The following SPIRE1 variants were observed in gnomAD, a reference collection of about 807,000 sequenced individuals.
SPIRE1 encodes the protein spire type actin nucleation factor 1.
Under a neutral mutation model 94.1 loss-of-function variants are expected in SPIRE1, and 40 were observed. The ratio of observed to expected loss-of-function variants is 0.43; its 90% CI spans 0.33 to 0.55. SPIRE1 has a LOEUF of 0.55. SPIRE1 is among the 20% of genes least tolerant of loss of function. The pLI is 0.06. For synonymous variants in SPIRE1, 376 were observed against 371.7 expected, an observed-to-expected ratio of 1.01 and a Z score of -0.13; for missense variants, 838 against 975.2, an observed-to-expected ratio of 0.86 and a Z score of 1.87.
intron 3 of SPIRE1, among the ~76,000 whole-genome samples, chr18:12,537,119 A>C (rs2034865641): frequency 6.6e-6 from 1 of 152,256 alleles, no homozygotes; most frequent in Non-Finnish European, 1.5e-5. Context: ...AACCTTCTTC[A>C]CAGTAGCAAA....
At chr18:12,507,990 C>G (rs2033893676) in intron 5 of SPIRE1, among the ~76,000 whole-genome samples, 1 of 151,036 alleles carries the variant, frequency 6.6e-6, no homozygotes, top group Non-Finnish European at 1.5e-5. Flanking sequence ...ACTAAAAATA[C>G]AAAAAATTAG....
chr18:12,454,562 C>A (rs2143520925), intron 12 of SPIRE1, 79 bp from the exon 13 acceptor site: 2 of 1,325,400 alleles, frequency 1.5e-6, no homozygotes, highest in South Asian at 1.2e-5. Flanking sequence ...CAGATCAGAC[C>A]CCTGATTAGT....
chr18:12,549,439 G>GGTTTTTTTTTTTTTT (rs2035275774), intron 2 of SPIRE1, among the ~76,000 whole-genome samples: 2 of 41,248 alleles, frequency 4.8e-5, no homozygotes, highest in Non-Finnish European at 7.7e-5. Flanking sequence ...TGTTATTGTT[G>GGTTTTTTTTTTTTTT]TTTTTTTTTT....
chr18:12,594,222 T>G (rs1309608190), intron 2 of SPIRE1, among the ~76,000 whole-genome samples: 1 of 152,116 alleles, frequency 6.6e-6, no homozygotes, highest in Non-Finnish European at 1.5e-5. Context: ...GCCTTAAATA[T>G]GGATCAATAC....
At chr18:12,511,878 C>G (rs990223645) in intron 5 of SPIRE1, among the ~76,000 whole-genome samples, 1 of 151,864 alleles carries the variant, frequency 6.6e-6, no homozygotes, top group Non-Finnish European at 1.5e-5. Flanking sequence ...GCACATGCCA[C>G]CAGCCCGGCT....
upstream of SPIRE1, among the ~76,000 whole-genome samples, chr18:12,659,130 G>GTGAAAGCCCTACAGAGTGT (rs1598597538): frequency 6.6e-6 from 1 of 152,234 alleles, no homozygotes; most frequent in East Asian, 1.9e-4. Flanking sequence ...CTAGTCCTGT[G>GTGAAAGCCCTACAGAGTGT]TGAAAGCCCT....
rs540157133 is a variant in SPIRE1, at chr18:12,503,607, G to GT, written c.972+2869dup. Among the ~76,000 whole-genome samples, 270 of 152,060 alleles carry GT rather than the reference G, an allele frequency of 1.8e-3. 2 individuals carry two copies. Among genetic ancestry groups the GT allele is most frequent in the African/African-American group, 6.3e-3 (260 of 41,472 alleles). ...GCTGCTTGATCTTTGGATATGTTGG[G>GT]TTTTTTTCCCCCTACTTAGCTGCTT... On this transcript the variant is annotated intron_variant, in intron 6 of 16. Transcript: ENST00000409402.
chr18:12,637,060 T>C (rs2037949395), intron 1 of SPIRE1, among the ~76,000 whole-genome samples: 1 of 152,126 alleles, frequency 6.6e-6, no homozygotes, highest in African/African-American at 2.4e-5. Flanking sequence ...GAGTAGCCTC[T>C]TTAAGAGTAT....
chr18:12,540,079 T>C (rs2034970557), intron 3 of SPIRE1, among the ~76,000 whole-genome samples: 1 of 151,972 alleles, frequency 6.6e-6, no homozygotes, highest in African/African-American at 2.4e-5. Flanking sequence ...GAGTGAGCCA[T>C]GCACAGACCT....
At position 12,546,897 on chromosome 18, in the gene SPIRE1, T is replaced by A. The variant is rs2035190076; in HGVS notation, c.380A>T (p.Glu127Val). The A allele has an allele frequency of 1.9e-6, 3 of 1,610,732 alleles. No homozygotes were observed. Among genetic ancestry groups the A allele is most frequent in the Non-Finnish European group, 2.5e-6 (3 of 1,177,438 alleles). The part of the protein sequence containing the change: ...YSQCMETEVI[E>V]SLGIIIYKAL... Reference sequence around the variant, plus strand: ...TTTATAAATAATAATTCCCAAAGATTCAATGACCTAGGAACATTTAAAAAA... The same window carrying A: ...TTTATAAATAATAATTCCCAAAGATACAATGACCTAGGAACATTTAAAAAA... The change falls in exon 3 of 17, where the codon GAA becomes GTA. Residue 127 changes from glutamate to valine, a missense_variant. Physicochemically the swap from Glu to Val is moderately radical, Grantham distance 121. This residue lies in a region of SPIRE1 where 645 missense variants were observed against 804.7 expected (regional missense o/e 0.80). Transcript: ENST00000409402.
intron 2 of SPIRE1, among the ~76,000 whole-genome samples, chr18:12,570,156 C>G (rs932243921): frequency 2.6e-5 from 4 of 152,238 alleles, no homozygotes; most frequent in Non-Finnish European, 5.9e-5. Context: ...CTGACTTTGA[C>G]TTCCTAAAAG....
chr18:12,552,007 C>T (rs1383623137), intron 2 of SPIRE1, among the ~76,000 whole-genome samples: 1 of 152,194 alleles, frequency 6.6e-6, no homozygotes, highest in Non-Finnish European at 1.5e-5. Flanking sequence ...TGAGACTTTG[C>T]ACCGAATTCA....
At chr18:12,510,893 C>T (rs1598425284) in intron 5 of SPIRE1, among the ~76,000 whole-genome samples, 1 of 152,312 alleles carries the variant, frequency 6.6e-6, no homozygotes, top group Middle Eastern at 3.4e-3. Context: ...GTACCCAAGA[C>T]TGTCATGCCT....
At chr18:12,536,525 A>G (rs1489906291) in intron 3 of SPIRE1, among the ~76,000 whole-genome samples, 2 of 151,222 alleles carry the variant, frequency 1.3e-5, no homozygotes, top group Non-Finnish European at 3.0e-5. Flanking sequence ...AAAAAAAAAA[A>G]GAATGTCAGG....
At chr18:12,514,000 T>C (rs1336180718) in intron 4 of SPIRE1, among the ~76,000 whole-genome samples, 1 of 152,052 alleles carries the variant, frequency 6.6e-6, no homozygotes, top group Admixed American at 6.6e-5. Context: ...TGCACCCCTA[T>C]GCCTGGCTAA....
At chr18:12,565,130 G>A (rs1292545861) in intron 2 of SPIRE1, among the ~76,000 whole-genome samples, 5 of 152,044 alleles carry the variant, frequency 3.3e-5, no homozygotes, top group Admixed American at 3.3e-4. Context: ...AAGCATATCA[G>A]TTTCTAACTA....
At chr18:12,603,875 T>C (rs1198913021) in intron 2 of SPIRE1, among the ~76,000 whole-genome samples, 1 of 152,142 alleles carries the variant, frequency 6.6e-6, no homozygotes, top group Non-Finnish European at 1.5e-5. Flanking sequence ...GCCTGGCCTA[T>C]CACCAGTAGT....
chr18:12,651,295 T>C (rs1041063682), intron 1 of SPIRE1, among the ~76,000 whole-genome samples: 1 of 152,202 alleles, frequency 6.6e-6, no homozygotes, highest in African/African-American at 2.4e-5. Context: ...TCTGGAAACC[T>C]ACACATATAC....
intron 2 of SPIRE1, among the ~76,000 whole-genome samples, chr18:12,620,760 T>C (rs953942828): frequency 2.0e-5 from 3 of 152,146 alleles, no homozygotes; most frequent in Admixed American, 6.6e-5. Flanking sequence ...TTTTTAGATA[T>C]GGCACCAAAC....
Sources: gnomAD v4.1 joint callset for allele counts (sites outside exome capture counted in the v4.1 genomes callset) on GRCh38, gnomAD v4.1.1 for gene constraint, gnomAD v4.1.1 regional missense constraint, MANE v1.5 for transcripts, NCBI Gene and HGNC (gene_info 2026-07-23, HGNC 2026-07-21) for gene names.